DIDO1: variants seen among roughly 807,000 people sequenced by gnomAD.
DIDO1 encodes death-inducer obliterator 1.
Under a neutral mutation model 99.4 loss-of-function variants are expected in DIDO1, and 16 were observed. The ratio of observed to expected loss-of-function variants is 0.16; its 90% confidence interval spans 0.11 to 0.24. The LOEUF is 0.24. DIDO1 is among the 10% of genes least tolerant of loss of function. DIDO1 has a pLI of 1.00. For synonymous variants in DIDO1, 1,366 were observed against 1,239.1 expected, an observed-to-expected ratio of 1.10 and a Z score of -2.15; for missense variants, 2,996 against 3,014.0, an observed-to-expected ratio of 0.99 and a Z score of 0.14.
In DIDO1 at chr20:62,882,283, C is replaced by T. The variant is rs774945355; in HGVS notation, c.3673G>A (p.Val1225Ile). 49 of 1,613,902 alleles carry T rather than the reference C, an allele frequency of 3.0e-5. 1 individual carries two copies. Among genetic ancestry groups the T allele is most frequent in the African/African-American group, 8.0e-5 (6 of 74,930 alleles). ...GTGGCTACTTTTGGATAGGCCGGAA[C>T]GTCCGCTTCTTCCGGTTGAAGTCGG... Reference protein sequence around the residue: ...RTRLQPEEADVPAYPKVATVP... With the variant: ...RTRLQPEEADIPAYPKVATVP... The change falls in exon 16 of 16, where the codon GTT becomes ATT. Residue 1225 changes from valine to isoleucine, a missense_variant. Coordinates refer to ENST00000395343, the MANE Select transcript of DIDO1 (RefSeq NM_001193369.2).
chr20:62,909,397 G>A (rs1395794666), intron 4 of DIDO1, among the ~76,000 whole-genome samples: 2 of 152,244 alleles, frequency 1.3e-5, no homozygotes, highest in Non-Finnish European at 2.9e-5. Context: ...TGACACAGGA[G>A]CACCGCCACT....
chr20:62,910,370 A>G (rs1002333426), intron 3 of DIDO1, among the ~76,000 whole-genome samples: 16 of 152,152 alleles, frequency 1.1e-4, no homozygotes, highest in Admixed American at 2.0e-4. Context: ...AGCTGCCCCA[A>G]TGTTTGCACT....
intron 15 of DIDO1, among the ~76,000 whole-genome samples, chr20:62,884,499 C>G (rs1386950029): frequency 6.6e-6 from 1 of 152,222 alleles, no homozygotes; most frequent in Admixed American, 6.5e-5. Context: ...AGATTTTCTT[C>G]CCCTTACAGT....
chr20:62,880,504 G>T lies in DIDO1; in HGVS notation c.5452C>A (p.Pro1818Thr). ...PSLFSGQHGP[P>T]PYGDSRGPSP... ...GGGCCTCTGCTGTCCCCATAAGGAG[G>T]TGGCCCATGTTGCCCCGAGAATAAG... Residue 1818 changes from proline (P) to threonine (T), a missense_variant, in exon 16 of 16, where the codon CCT becomes ACT. By Grantham distance (38) the Pro-to-Thr change is conservative (BLOSUM62 -1). Coordinates refer to ENST00000395343, the MANE Select transcript of DIDO1 (RefSeq NM_001193369.2). 6.2e-7 allele frequency: 1 copy of T among 1,612,982 alleles called. No individual in the cohort carries two copies. Among genetic ancestry groups the T allele is most frequent in the South Asian group, 1.1e-5 (1 of 91,086 alleles).
Position 62,881,045 on chromosome 20 carries a change from C to T in DIDO1, c.4911G>A (p.Glu1637=). ...AGSEQDGWKA[E]PGEGTRPATV... is the part of the protein sequence containing the mutation. ...TGGCGGGGCGGGTGCCCTCCCCAGG[C>T]TCTGCCTTCCAGCCGTCCTGCTCGG... Residue 1637 remains glutamate (E), a synonymous_variant, in exon 16 of 16, where the codon GAG becomes GAA. Coordinates refer to ENST00000395343, the MANE Select transcript of DIDO1 (RefSeq NM_001193369.2). This position sits in a 1 kb window ranked among gnomAD's most constrained non-coding sequence, Gnocchi z 8.3. 1 of 1,604,900 alleles carries T rather than the reference C, an allele frequency of 6.2e-7. No homozygotes were observed. Among genetic ancestry groups the T allele is most frequent in the Non-Finnish European group, 8.5e-7 (1 of 1,178,258 alleles).
intron 6 of DIDO1, among the ~76,000 whole-genome samples, chr20:62,901,258 A>AG (rs1264372243): frequency 2.0e-5 from 3 of 152,078 alleles, no homozygotes; most frequent in Admixed American, 1.3e-4. Context: ...GAATACTCAA[A>AG]GCTTTCCTTG....
rs749529448 is a variant in DIDO1 at position 62,894,376 on chromosome 20, C to G, written c.2572+37G>C. 1 of 1,598,098 alleles carries G rather than the reference C, an allele frequency of 6.3e-7. No individual in the cohort carries two copies. Among genetic ancestry groups the G allele is most frequent in the African/African-American group, 1.3e-5 (1 of 74,464 alleles). On this transcript the variant is annotated intron_variant, in intron 11 of 15. Transcript: ENST00000395343. This position sits in a 1 kb window ranked among gnomAD's most constrained non-coding sequence, Gnocchi z 4.4. ...GATTTTTAACAAAATCAAGTTTAGT[C>G]TCAGCTCCAAGGCTCCATCCCCTGC...
chr20:62,922,188 G>T (rs1383750803), intron 1 of DIDO1, among the ~76,000 whole-genome samples: 1 of 139,132 alleles, frequency 7.2e-6, no homozygotes, highest in Non-Finnish European at 1.5e-5. Context: ...ATGTATGTGT[G>T]TGTGTGTGTA....
rs1415873864 is a variant in DIDO1 at position 62,878,545 on chromosome 20, G to C, written c.*688C>G. 30 of 152,126 alleles carry C rather than the reference G, an allele frequency of 2.0e-4. No homozygotes were observed. Among genetic ancestry groups the C allele is most frequent in the Admixed American group, 2.0e-3 (30 of 15,270 alleles). The allele number at this position is 152,126 out of a possible 1,614,324, so 9.4% of individuals were successfully genotyped here. ...TTAATTGGTTTGTTACTTTTTTTAGGCTGGTAAAACTTAACATTTTTCAAT... is the reference window on the plus strand; with the variant it reads ...TTAATTGGTTTGTTACTTTTTTTAGCCTGGTAAAACTTAACATTTTTCAAT... On this transcript the variant is annotated 3_prime_UTR_variant, in exon 16 of 16. Transcript: ENST00000395343.
At chr20:62,921,982 T>A (rs1039907031) in intron 1 of DIDO1, among the ~76,000 whole-genome samples, 1 of 150,322 alleles carries the variant, frequency 6.7e-6, no homozygotes, top group Non-Finnish European at 1.5e-5. Context: ...ACTATACATA[T>A]GTCCACAATA....
intron 6 of DIDO1, among the ~76,000 whole-genome samples, chr20:62,897,924 C>A (rs903265128): frequency 6.6e-6 from 1 of 152,146 alleles, no homozygotes; most frequent in Non-Finnish European, 1.5e-5. Flanking sequence ...TAGGGGGCCC[C>A]CATGAGGGCC....
intron 1 of DIDO1, among the ~76,000 whole-genome samples, chr20:62,925,113 T>C (rs950719860): frequency 2.6e-5 from 4 of 152,086 alleles, no homozygotes; most frequent in African/African-American, 7.2e-5. Flanking sequence ...ACACATACAC[T>C]AACAGCAACC....
At chr20:62,889,025 T>C in intron 15 of DIDO1, 1 of 985,490 alleles carries the variant, frequency 1.0e-6, no homozygotes, top group African/African-American at 1.7e-5. Flanking sequence ...CCTGGGGCTT[T>C]TGTGTGTCCC....
chr20:62,925,837 G>A lies in DIDO1; in HGVS notation c.-200+602C>T, dbSNP rs368947733. ...CAACAAACTATTCCACAAAAAAACT[G>A]AAAACCAGCGCGGGGAGGTAAGGAC... On this transcript the variant is annotated intron_variant, in intron 1 of 15. Transcript: ENST00000395343. Among the ~76,000 whole-genome samples the A allele has an allele frequency of 5.3e-5, 8 of 152,298 alleles. 1 individual carries two copies. Among genetic ancestry groups the A allele is most frequent in the Admixed American group, 2.6e-4 (4 of 15,306 alleles).
intron 9 of DIDO1, 39 bp downstream of exon 9, chr20:62,895,010 G>C (rs556906189): frequency 1.3e-6 from 2 of 1,596,408 alleles, no homozygotes; most frequent in Non-Finnish European, 1.7e-6. Flanking sequence ...TATTAAGCTC[G>C]AGTCCTGGGT....
intron 1 of DIDO1, among the ~76,000 whole-genome samples, chr20:62,926,021 A>G (rs1568890333): frequency 6.6e-6 from 1 of 151,996 alleles, no homozygotes; most frequent in South Asian, 2.1e-4. Flanking sequence ...GAGAATGCCT[A>G]GGGAAACCAG....
At chr20:62,908,153 A>AT (rs1004782656) in intron 4 of DIDO1, among the ~76,000 whole-genome samples, 3 of 151,604 alleles carry the variant, frequency 2.0e-5, no homozygotes, top group Admixed American at 6.6e-5. Flanking sequence ...CTCATTATTT[A>AT]TTTTTTTGTA....
chr20:62,937,363 C>G (rs2065400829), intron 1 of DIDO1, among the ~76,000 whole-genome samples: 1 of 141,098 alleles, frequency 7.1e-6, no homozygotes, highest in African/African-American at 2.7e-5. Flanking sequence ...ACCCGCGCTC[C>G]TGCCGGGAGG....
In DIDO1 at chr20:62,881,738, C is replaced by CCGCCCTCGCTCCACAAGCTGAGTGT; in HGVS notation, c.4193_4217dup (p.Arg1407HisfsTer17). On this transcript the variant is annotated frameshift_variant, in exon 16 of 16. Transcript: ENST00000395343. LOFTEE classifies it low-confidence loss of function (END_TRUNC). The surrounding 1 kb of genome is among the most constrained non-coding windows in gnomAD (Gnocchi z 8.3). ...CAGGAGCCCTTTCCACCTCGTGGCG[C>CCGCCCTCGCTCCACAAGCTGAGTGT]CGCCCTCGCTCCACAAGCTGAGTGT... is the stretch of plus-strand genomic sequence containing the variant. 1 of 1,613,076 alleles carries CCGCCCTCGCTCCACAAGCTGAGTGT rather than the reference C, an allele frequency of 6.2e-7. No homozygotes were observed. The highest frequency in any genetic ancestry group is 8.5e-7 in the Non-Finnish European group (1 of 1,180,030).
Sources: gnomAD v4.1 joint callset for allele counts (sites outside exome capture counted in the v4.1 genomes callset) on GRCh38, gnomAD v4.1.1 for gene constraint, Gnocchi (gnomAD v3.1) non-coding constraint, MANE v1.5 for transcripts, NCBI Gene and HGNC (gene_info 2026-07-23, HGNC 2026-07-21) for gene names.